The following SEMA4A variants were observed in gnomAD, a reference collection of about 807,000 sequenced individuals.
SEMA4A encodes semaphorin-4A.
Under a neutral mutation model 72.5 loss-of-function variants are expected in SEMA4A, and 52 were observed. The observed-to-expected ratio is 0.72, with a 90% CI of 0.57 to 0.90. The LOEUF (loss-of-function observed/expected upper bound fraction) is 0.90. Ranked by LOEUF, SEMA4A falls within the 40% of genes least tolerant of loss-of-function variation. The probability of loss-of-function intolerance (pLI) is 0.00; values close to 1 mark genes in which losing one functional copy is unlikely to be tolerated. For synonymous variants in SEMA4A, 369 were observed against 393.1 expected, an observed-to-expected ratio of 0.94 and a Z score of 0.73; for missense variants, 926 against 959.7, an observed-to-expected ratio of 0.96 and a Z score of 0.46.
intron 2 of SEMA4A, 109 bp from the exon 3 acceptor site, chr1:156,156,305 C>A: frequency 9.9e-7 from 1 of 1,005,380 alleles, no homozygotes; most frequent in Non-Finnish European, 1.6e-6. Context: ...GCTGCCAAGG[C>A]CTGGGGAGCA....
intron 3 of SEMA4A, among the ~76,000 whole-genome samples, 171 bp downstream of exon 3, chr1:156,156,745 CT>C (rs3055907): frequency 0.29 from 40,419 of 140,900 alleles, 5,524 homozygotes; most frequent in African/African-American, 0.39. Flanking sequence ...CGTGGCCTCA[CT>C]TTTTTTTTTT....
chr1:156,151,112 C>T (rs1236215705), upstream of SEMA4A, among the ~76,000 whole-genome samples: 2 of 152,216 alleles, frequency 1.3e-5, no homozygotes, highest in Non-Finnish European at 2.9e-5. Context: ...ACCCTGTCAG[C>T]CCTGAGCTTC....
Position 156,177,006 on chromosome 1 carries a change from C to T in SEMA4A, c.*9C>T. 1 of 1,604,876 alleles carries T rather than the reference C, an allele frequency of 6.2e-7. No individual in the cohort carries two copies. The highest frequency in any genetic ancestry group is 2.2e-5 in the East Asian group (1 of 44,864). The stretch of plus-strand genomic sequence containing the variant: ...GCACTGAGGTAGCTTAAACTCTAGG[C>T]ACAGGCCGGGGCTGCGGTGCAGGCA... On this transcript the variant is annotated 3_prime_UTR_variant, in exon 15 of 15. Transcript: ENST00000368285.
chr1:156,173,971 T>G (rs1655060213), intron 11 of SEMA4A, among the ~76,000 whole-genome samples: 1 of 151,934 alleles, frequency 6.6e-6, no homozygotes, highest in African/African-American at 2.4e-5. Context: ...ATTAGCAGTG[T>G]GTAGTGGCAC....
intron 4 of SEMA4A, 104 bp downstream of exon 4, chr1:156,158,236 T>G: frequency 7.5e-7 from 1 of 1,340,378 alleles, no homozygotes; most frequent in Non-Finnish European, 1.1e-6. Context: ...GGGCACTTGT[T>G]TGCACGGTTA....
chr1:156,149,508 A>T (rs1055102275), upstream of SEMA4A, among the ~76,000 whole-genome samples: 10 of 152,164 alleles, frequency 6.6e-5, no homozygotes, highest in African/African-American at 2.4e-4. Flanking sequence ...CTGTAAATAG[A>T]AGAGGGCTCC....
upstream of SEMA4A, among the ~76,000 whole-genome samples, chr1:156,151,265 AG>A (rs1188015158): frequency 6.6e-6 from 1 of 152,232 alleles, no homozygotes; most frequent in Non-Finnish European, 1.5e-5. Context: ...TTCTGAGCAC[AG>A]GGCCCTGTGT....
rs897538138 is a variant in SEMA4A at position 156,163,367 on chromosome 1, C to A, written c.1134+273C>A. ...ATCACTATGGAAACAAGGGAACATGCGCTGTGTGCCAAGGACTGTCTTGGG... is the reference window on the plus strand; with the variant it reads ...ATCACTATGGAAACAAGGGAACATGAGCTGTGTGCCAAGGACTGTCTTGGG... On this transcript the variant is annotated intron_variant, in intron 10 of 14. Transcript: ENST00000368285. 4 of 473,302 alleles carry A rather than the reference C, an allele frequency of 8.5e-6. No individual in the cohort carries two copies. In the East Asian group the frequency reaches 1.6e-4, roughly 19 times the overall value. 29.3% of individuals were successfully genotyped at this position (473,302 alleles called of 1,614,324 possible). A position where few individuals can be genotyped will look rare whatever the true frequency, so the allele number is the denominator to read the frequency against.
chr1:156,163,999 C>T (rs980560208), intron 10 of SEMA4A, among the ~76,000 whole-genome samples: 11 of 148,104 alleles, frequency 7.4e-5, no homozygotes, highest in African/African-American at 2.8e-4. Flanking sequence ...GAATGCACTC[C>T]AGCCTGGGTG....
At chr1:156,158,687 G>A (rs375640077) in intron 5 of SEMA4A, 32 bp from the exon 6 acceptor site, 16 of 1,554,458 alleles carry the variant, frequency 1.0e-5, no homozygotes, top group Middle Eastern at 1.7e-4. Flanking sequence ...AGACCTTGGC[G>A]TTCTGGCCCC....
At chr1:156,162,023 G>A (rs2102963614) in intron 9 of SEMA4A, among the ~76,000 whole-genome samples, 1 of 152,308 alleles carries the variant, frequency 6.6e-6, no homozygotes, top group Middle Eastern at 3.4e-3. Context: ...AGCACTTTGG[G>A]AGGCCGAGGT....
rs1354636577 is a variant in SEMA4A at position 156,158,407 on chromosome 1, T to C, written c.383T>C (p.Ile128Thr). ...CCTCAGACACAGTGTTTCAACTTCA[T>C]CCGTGTCCTGGTTTCTTACAATGTC... ...KSNETQCFNF[I>T]RVLVSYNVTH... The change falls in exon 5 of 15, where the codon ATC (isoleucine) becomes ACC (threonine). Residue 128 changes from isoleucine (I) to threonine (T), a missense_variant. Ile to Thr is a moderately conservative substitution (Grantham distance 89). Coordinates refer to ENST00000368285, the MANE Select transcript of SEMA4A (RefSeq NM_022367.4). The C allele has an allele frequency of 6.2e-7, 1 of 1,613,864 alleles. No homozygotes were observed. Among genetic ancestry groups the C allele is most frequent in the Non-Finnish European group, 8.5e-7 (1 of 1,179,770 alleles).
chr1:156,158,637 C>T, intron 5 of SEMA4A, 82 bp from the exon 6 acceptor site: 1 of 1,364,232 alleles, frequency 7.3e-7, no homozygotes, highest in Non-Finnish European at 1.1e-6. Context: ...CTCTATGTCC[C>T]TTTCCCTTCC....
At chr1:156,172,308 G>T (rs1654875990) in intron 10 of SEMA4A, among the ~76,000 whole-genome samples, 3 of 151,754 alleles carry the variant, frequency 2.0e-5, no homozygotes, top group South Asian at 2.1e-4. Context: ...TGGAGACGGG[G>T]TTTCACCATG....
intron 10 of SEMA4A, among the ~76,000 whole-genome samples, chr1:156,168,263 C>T (rs958511749): frequency 3.3e-5 from 5 of 150,148 alleles, no homozygotes; most frequent in African/African-American, 1.2e-4. Context: ...GTTCTGTTGC[C>T]CAGGCTGGGG....
At position 156,174,693 on chromosome 1, in the gene SEMA4A, C is replaced by T. The variant is rs527556884; in HGVS notation, c.1316-129C>T. 29 of 1,036,822 alleles carry T rather than the reference C, an allele frequency of 2.8e-5. No homozygotes were observed. The East Asian group carries it at 6.2e-4, about 22-fold the overall frequency. 64.2% of individuals were successfully genotyped at this position (1,036,822 alleles called of 1,614,324 possible). A position where few individuals can be genotyped will look rare whatever the true frequency, so the allele number is the denominator to read the frequency against. On this transcript the variant is annotated intron_variant, in intron 11 of 14. Coordinates refer to ENST00000368285, the MANE Select transcript of SEMA4A (RefSeq NM_022367.4). Reference sequence around the variant, plus strand: ...CATGGCACAGAGGAAGGTGAATGATCTGGCTGACCCGCGCCCAGTACATAT... The same window carrying T: ...CATGGCACAGAGGAAGGTGAATGATTTGGCTGACCCGCGCCCAGTACATAT...
chr1:156,176,311 A>AT (rs2103013558), intron 14 of SEMA4A, 94 bp from the exon 15 acceptor site: 5 of 958,304 alleles, frequency 5.2e-6, no homozygotes, highest in East Asian at 5.2e-5. Context: ...AAAAAAAAAA[A>AT]GAGGGCTGGG....
chr1:156,158,199 G>A, intron 4 of SEMA4A, 67 bp downstream of exon 4: 1 of 1,564,650 alleles, frequency 6.4e-7, no homozygotes, highest in Non-Finnish European at 8.8e-7. Context: ...ACCATCCCTG[G>A]ATGACCTCAG....
At chr1:156,167,699 G>A (rs949818586) in intron 10 of SEMA4A, among the ~76,000 whole-genome samples, 1 of 151,998 alleles carries the variant, frequency 6.6e-6, no homozygotes, top group African/African-American at 2.4e-5. Context: ...TTTGGAGGAG[G>A]GGCAAGATTA....
Sources: gnomAD v4.1 joint callset for allele counts (sites outside exome capture counted in the v4.1 genomes callset) on GRCh38, gnomAD v4.1.1 for gene constraint, MANE v1.5 for transcripts, NCBI Gene and HGNC (gene_info 2026-07-23, HGNC 2026-07-21) for gene names.